The following GLRA3 variants were observed in gnomAD, a reference collection of about 807,000 sequenced individuals.
GLRA3 encodes the protein glycine receptor subunit alpha-3.
GLRA3 carries 44 observed loss-of-function variants against 60.4 expected under a neutral mutation model. The observed-to-expected ratio is 0.73, with a 90% CI of 0.57 to 0.94. The LOEUF (loss-of-function observed/expected upper bound fraction) is 0.94, where lower values mean the gene tolerates loss of function less well. GLRA3 is among the 40% of genes least tolerant of loss of function. The pLI is 0.00. For missense variants in GLRA3, 508 were observed against 564.6 expected, an observed-to-expected ratio of 0.90 and a Z score of 1.02; for synonymous variants, 223 against 192.9, an observed-to-expected ratio of 1.16 and a Z score of -1.29.
intron 1 of GLRA3, among the ~76,000 whole-genome samples, chr4:174,803,452 A>C (rs888030606): frequency 1.3e-5 from 2 of 152,150 alleles, no homozygotes; most frequent in African/African-American, 4.8e-5. Context: ...AAGATAATAA[A>C]ATGTAAGGTA....
intron 2 of GLRA3, among the ~76,000 whole-genome samples, chr4:174,788,260 G>A (rs1006554552): frequency 1.3e-5 from 2 of 151,744 alleles, no homozygotes; most frequent in Admixed American, 6.6e-5. Context: ...ATAAAAAGTG[G>A]TACTCTTAAA....
At chr4:174,653,123 A>C (rs1733080440) in intron 9 of GLRA3, among the ~76,000 whole-genome samples, 1 of 152,042 alleles carries the variant, frequency 6.6e-6, no homozygotes, top group African/African-American at 2.4e-5. Context: ...ACCAAATAGG[A>C]ATGTAAAAAA....
chr4:174,724,438 T>C (rs1736244711), intron 4 of GLRA3, among the ~76,000 whole-genome samples: 2 of 152,124 alleles, frequency 1.3e-5, no homozygotes, highest in Non-Finnish European at 2.9e-5. Context: ...CAGCTCGAAA[T>C]CTTACCGGTC....
At chr4:174,680,350 A>G (rs1426537424) in intron 6 of GLRA3, among the ~76,000 whole-genome samples, 2 of 152,198 alleles carry the variant, frequency 1.3e-5, no homozygotes, top group East Asian at 1.9e-4. Context: ...CAGAATAAAT[A>G]TAATACAAAC....
intron 5 of GLRA3, among the ~76,000 whole-genome samples, chr4:174,692,199 C>A (rs1383475346): frequency 6.6e-6 from 1 of 151,236 alleles, no homozygotes; most frequent in Non-Finnish European, 1.5e-5. Context: ...CACCCAGCAG[C>A]CACCCCGTCC....
intron 5 of GLRA3, among the ~76,000 whole-genome samples, chr4:174,707,750 T>C (rs1223865607): frequency 1.3e-5 from 2 of 152,230 alleles, no homozygotes; most frequent in African/African-American, 4.8e-5. Context: ...CCAATGGTTG[T>C]ATGAAAAGTT....
At chr4:174,649,799 A>G (rs1732961581) in intron 9 of GLRA3, among the ~76,000 whole-genome samples, 1 of 149,920 alleles carries the variant, frequency 6.7e-6, no homozygotes, top group African/African-American at 2.5e-5. Flanking sequence ...GTTGGATTTG[A>G]TAGACTTGAC....
intron 1 of GLRA3, among the ~76,000 whole-genome samples, chr4:174,813,416 G>T (rs191350918): frequency 6.6e-6 from 1 of 152,076 alleles, no homozygotes; most frequent in African/African-American, 2.4e-5. Context: ...CAGAGCAATA[G>T]AAATGTCTGC....
intron 7 of GLRA3, among the ~76,000 whole-genome samples, chr4:174,660,440 A>T (rs558671215): frequency 6.6e-6 from 1 of 152,010 alleles, no homozygotes; most frequent in Non-Finnish European, 1.5e-5. Flanking sequence ...TTACATTCAG[A>T]TGATGGATTT....
At chr4:174,700,159 A>G (rs984829104) in intron 5 of GLRA3, among the ~76,000 whole-genome samples, 4 of 152,190 alleles carry the variant, frequency 2.6e-5, no homozygotes, top group Admixed American at 6.5e-5. Context: ...GAGCAAGTTA[A>G]CTATAGCCAG....
chr4:174,690,340 C>T (rs1734746110), intron 5 of GLRA3, among the ~76,000 whole-genome samples: 1 of 151,980 alleles, frequency 6.6e-6, no homozygotes, highest in Non-Finnish European at 1.5e-5. Flanking sequence ...TGGCTCAATT[C>T]TGAGAGAATA....
At chr4:174,800,928 G>A (rs1018190430) in intron 1 of GLRA3, among the ~76,000 whole-genome samples, 5 of 151,890 alleles carry the variant, frequency 3.3e-5, no homozygotes, top group Admixed American at 6.6e-5. Context: ...TTTTCTCTCA[G>A]TACAGTTTTC....
chr4:174,653,072 T>G (rs896367899), intron 9 of GLRA3, among the ~76,000 whole-genome samples: 1 of 152,122 alleles, frequency 6.6e-6, no homozygotes, highest in African/African-American at 2.4e-5. Context: ...AATAGATTAT[T>G]CCAAATGTCT....
intron 4 of GLRA3, among the ~76,000 whole-genome samples, chr4:174,725,387 A>G (rs1736284609): frequency 6.6e-6 from 1 of 152,124 alleles, no homozygotes; most frequent in Non-Finnish European, 1.5e-5. Context: ...TTCTTTGCTG[A>G]GGCTATTTTT....
chr4:174,826,874 CT>C (rs11338097), intron 1 of GLRA3, among the ~76,000 whole-genome samples: 84,736 of 130,182 alleles, frequency 0.65, 25,972 homozygotes, highest in South Asian at 0.72. Flanking sequence ...AGGGAGCTTC[CT>C]TTTTTTTTTT....
chr4:174,799,702 C>A (rs1487670670), intron 1 of GLRA3, among the ~76,000 whole-genome samples: 1 of 152,146 alleles, frequency 6.6e-6, no homozygotes, highest in Admixed American at 6.5e-5. Context: ...AGCTGGAATG[C>A]AATACTAACC....
At chr4:174,806,300 G>A (rs752566975) in intron 1 of GLRA3, among the ~76,000 whole-genome samples, 3 of 152,050 alleles carry the variant, frequency 2.0e-5, no homozygotes, top group African/African-American at 4.8e-5. Flanking sequence ...AGCAGGTTTT[G>A]AAAATCTAAG....
At chr4:174,692,332 C>A (rs13138050) in intron 5 of GLRA3, among the ~76,000 whole-genome samples, 2 of 146,040 alleles carry the variant, frequency 1.4e-5, no homozygotes, top group African/African-American at 5.2e-5. Context: ...GTCAGCCCCC[C>A]GCTCGGCCAG....
intron 1 of GLRA3, among the ~76,000 whole-genome samples, chr4:174,825,376 G>T (rs1472068464): frequency 2.0e-5 from 3 of 152,046 alleles, no homozygotes; most frequent in Non-Finnish European, 4.4e-5. Flanking sequence ...AGGCTTTGAA[G>T]TAAACCAAGA....
Sources: allele counts gnomAD v4.1 joint callset (sites outside exome capture counted in the v4.1 genomes callset), GRCh38; gene constraint gnomAD v4.1.1; transcripts MANE v1.5; gene names NCBI Gene and HGNC (gene_info 2026-07-23, HGNC 2026-07-21).